Variants in TCF20 observed in about 807,000 individuals in gnomAD.
TCF20 encodes the protein transcription factor 20, also known as SPRE-binding protein.
In TCF20, 3 loss-of-function variants were observed where a neutral mutation model predicts 148.6. The ratio of observed to expected loss-of-function variants is 0.02; its 90% CI spans 0.01 to 0.05. The LOEUF is 0.05. Ranked by LOEUF, TCF20 falls within the 10% of genes least tolerant of loss-of-function variation. The probability of loss-of-function intolerance (pLI) is 1.00; values close to 1 mark genes in which losing one functional copy is unlikely to be tolerated. For missense variants in TCF20, 2,350 were observed against 2,429.3 expected, an observed-to-expected ratio of 0.97 and a Z score of 0.69; for synonymous variants, 1,049 against 909.5, an observed-to-expected ratio of 1.15 and a Z score of -2.76.
intron 1 of TCF20, among the ~76,000 whole-genome samples, chr22:42,303,722 C>T (rs764192557): frequency 9.2e-5 from 14 of 152,016 alleles, no homozygotes; most frequent in South Asian, 2.1e-4. Context: ...GATGGGTCTG[C>T]GGATGGCAGG....
chr22:42,256,776 T>C (rs1925768613), intron 1 of TCF20, among the ~76,000 whole-genome samples: 1 of 152,194 alleles, frequency 6.6e-6, no homozygotes, highest in South Asian at 2.1e-4. Flanking sequence ...TGACTGTATG[T>C]TGTGTTTATA....
rs1237718271 is a variant in TCF20, at chr22:42,270,573, G to A, written c.-271C>T. ...CCTCAGGGCGGGCTCCCCTGGCGGA[G>A]GCCGCGGCCGCCTCGCAGGGGCCGA... On this transcript the variant is annotated 5_prime_UTR_variant, in exon 1 of 6. Coordinates refer to ENST00000677622, the MANE Select transcript of TCF20 (RefSeq NM_001378418.1). Among the ~76,000 whole-genome samples the A allele has an allele frequency of 1.4e-5, 2 of 146,144 alleles. No individual in the cohort carries two copies. Among genetic ancestry groups the A allele is most frequent in the African/African-American group, 2.5e-5 (1 of 40,796 alleles).
chr22:42,342,156 T>C (rs185694767), intron 1 of TCF20, among the ~76,000 whole-genome samples: 2 of 152,194 alleles, frequency 1.3e-5, no homozygotes, highest in East Asian at 3.9e-4. Context: ...TTTAGGTTTG[T>C]GGACAGCTGA....
At chr22:42,255,843 T>C (rs1925711881) in intron 1 of TCF20, among the ~76,000 whole-genome samples, 1 of 152,134 alleles carries the variant, frequency 6.6e-6, no homozygotes, top group African/African-American at 2.4e-5. Context: ...TTGTTCCATT[T>C]ATGAGACTCA....
At chr22:42,319,835 C>T (rs1027383255) in intron 1 of TCF20, among the ~76,000 whole-genome samples, 2 of 152,116 alleles carry the variant, frequency 1.3e-5, no homozygotes, top group Non-Finnish European at 2.9e-5. Flanking sequence ...TTTCCCACCC[C>T]GGAGCAGGGC....
intron 2 of TCF20, among the ~76,000 whole-genome samples, chr22:42,192,244 C>T (rs1305464178): frequency 9.9e-5 from 15 of 152,130 alleles, no homozygotes; most frequent in Admixed American, 9.8e-4. Flanking sequence ...AGTGCAGAAA[C>T]GACAAACCTG....
chr22:42,210,985 C>A lies in TCF20; in HGVS notation c.4321G>T (p.Val1441Leu), dbSNP rs147643985. 6.2e-7 allele frequency: 1 copy of A among 1,614,016 alleles called. No individual in the cohort carries two copies. Among genetic ancestry groups the A allele is most frequent in the Non-Finnish European group, 8.5e-7 (1 of 1,180,034 alleles). The stretch of plus-strand genomic sequence containing the variant: ...GTCTCTGTCTTCACTTTGTCATCCA[C>A]GCTGCCACGCCACTCTTCTGAAGAC... The part of the protein sequence containing the change: ...PRSSEEWRGS[V>L]DDKVKTETHA... The change falls in exon 2 of 6, where the codon GTG becomes TTG. Residue 1441 changes from valine (V) to leucine (L), a missense_variant. Physicochemically the swap from Val to Leu is conservative, Grantham distance 32 (BLOSUM62 1). Coordinates refer to ENST00000677622, the MANE Select transcript of TCF20 (RefSeq NM_001378418.1). The surrounding 1 kb of genome is among the most constrained non-coding windows in gnomAD (Gnocchi z 4.7).
At chr22:42,217,255 G>A (rs976078519) in intron 1 of TCF20, among the ~76,000 whole-genome samples, 1 of 152,104 alleles carries the variant, frequency 6.6e-6, no homozygotes, top group African/African-American at 2.4e-5. Flanking sequence ...CCTGGAACAG[G>A]CCTACCACAT....
At chr22:42,199,667 C>G (rs1001118165) in intron 2 of TCF20, among the ~76,000 whole-genome samples, 3 of 125,132 alleles carry the variant, frequency 2.4e-5, no homozygotes, top group Non-Finnish European at 3.1e-5. Flanking sequence ...GTCAGCAGTT[C>G]GAGACCAGAC....
chr22:42,254,660 T>C (rs762447843), intron 1 of TCF20, among the ~76,000 whole-genome samples: 1 of 152,160 alleles, frequency 6.6e-6, no homozygotes, highest in Non-Finnish European at 1.5e-5. Context: ...CCCTATACCC[T>C]GGGAGAAGAA....
chr22:42,179,519 AAAG>A, intron 3 of TCF20, 87 bp downstream of exon 3: 2 of 900,060 alleles, frequency 2.2e-6, no homozygotes, highest in Non-Finnish European at 3.2e-6. Flanking sequence ...AAAGAAAAGA[AAAG>A]AAAAAAAACA....
At chr22:42,322,332 A>C (rs1927747533) in intron 1 of TCF20, among the ~76,000 whole-genome samples, 1 of 151,850 alleles carries the variant, frequency 6.6e-6, no homozygotes, top group African/African-American at 2.4e-5. Flanking sequence ...ATGCACCATA[A>C]GGGCCTTTCA....
chr22:42,166,330 G>A (rs934720007), intron 5 of TCF20, among the ~76,000 whole-genome samples: 5 of 152,212 alleles, frequency 3.3e-5, no homozygotes, highest in Non-Finnish European at 5.9e-5. Context: ...AGAGTTGGCC[G>A]GGCGCCGTGG....
intron 1 of TCF20, among the ~76,000 whole-genome samples, chr22:42,219,483 C>T (rs1330726822): frequency 6.6e-6 from 1 of 150,666 alleles, no homozygotes; most frequent in Admixed American, 6.6e-5. Context: ...GCCTGAATTC[C>T]TTTGTTTAAA....
At chr22:42,326,234 C>T (rs1331255629) in intron 1 of TCF20, among the ~76,000 whole-genome samples, 3 of 152,136 alleles carry the variant, frequency 2.0e-5, no homozygotes, top group Non-Finnish European at 2.9e-5. Context: ...CCCAAGTGCC[C>T]GTGAGATCAC....
chr22:42,240,324 C>A (rs1924282936), intron 1 of TCF20, among the ~76,000 whole-genome samples: 1 of 152,068 alleles, frequency 6.6e-6, no homozygotes, highest in African/African-American at 2.4e-5. Context: ...CTGGTTTACC[C>A]AAACAATTCA....
intron 1 of TCF20, among the ~76,000 whole-genome samples, chr22:42,283,714 C>T (rs1031416819): frequency 2.0e-4 from 30 of 151,754 alleles, no homozygotes; most frequent in Admixed American, 4.6e-4. Context: ...CCTGCCCGCC[C>T]CCGGGGAGCC....
At chr22:42,183,704 G>C (rs1936895917) in intron 2 of TCF20, among the ~76,000 whole-genome samples, 1 of 151,802 alleles carries the variant, frequency 6.6e-6, no homozygotes, top group South Asian at 2.1e-4. Flanking sequence ...AAGGTGTTAT[G>C]ACAATGATAG....
chr22:42,325,069 G>T (rs756765491), intron 1 of TCF20, among the ~76,000 whole-genome samples: 1 of 152,256 alleles, frequency 6.6e-6, no homozygotes, highest in South Asian at 2.1e-4. Flanking sequence ...CCGCATGGGC[G>T]GGTGGGAGGA....
Sources: gnomAD v4.1 joint callset for allele counts (sites outside exome capture counted in the v4.1 genomes callset) on GRCh38, gnomAD v4.1.1 for gene constraint, Gnocchi (gnomAD v3.1) non-coding constraint, MANE v1.5 for transcripts, NCBI Gene and HGNC (gene_info 2026-07-23, HGNC 2026-07-21) for gene names.